KATNIP: variants seen among roughly 807,000 people sequenced by gnomAD.
The protein encoded by KATNIP is katanin interacting protein, also known as katanin-interacting protein.
A neutral mutation model predicts 174.0 loss-of-function variants in KATNIP; 126 were observed. That is an observed-to-expected ratio of 0.72 (90% CI 0.63 to 0.84). The LOEUF (loss-of-function observed/expected upper bound fraction) is 0.84, where lower values mean the gene tolerates loss of function less well. KATNIP is among the 40% of genes least tolerant of loss of function. The pLI is 0.00. For missense variants in KATNIP, 1,958 were observed against 2,109.7 expected (o/e 0.93, Z 1.41); for synonymous variants, 810 against 835.7 (o/e 0.97, Z 0.53).
intron 1 of KATNIP, among the ~76,000 whole-genome samples, chr16:27,562,593 C>T (rs182693251): frequency 1.4e-4 from 22 of 152,298 alleles, no homozygotes; most frequent in African/African-American, 5.1e-4. Context: ...TACCCATGCA[C>T]GTTTTCACAA....
intron 14 of KATNIP, among the ~76,000 whole-genome samples, chr16:27,737,845 A>T (rs1597338723): frequency 1.3e-5 from 2 of 152,166 alleles, no homozygotes; most frequent in Admixed American, 1.3e-4. Flanking sequence ...TCTGAGAGTC[A>T]TTAGTAATGA....
chr16:27,605,796 G>A (rs1357983755), intron 2 of KATNIP, among the ~76,000 whole-genome samples: 1 of 152,074 alleles, frequency 6.6e-6, no homozygotes, highest in Non-Finnish European at 1.5e-5. Context: ...TTCTGTTTTC[G>A]AGGATGGGAA....
At chr16:27,670,717 C>T (rs1337228492) in intron 6 of KATNIP, among the ~76,000 whole-genome samples, 1 of 152,130 alleles carries the variant, frequency 6.6e-6, no homozygotes. Flanking sequence ...TCCACCATTC[C>T]CCGCCACTCC....
intron 5 of KATNIP, among the ~76,000 whole-genome samples, chr16:27,647,245 A>G (rs954889894): frequency 6.6e-6 from 1 of 152,190 alleles, no homozygotes; most frequent in African/African-American, 2.4e-5. Flanking sequence ...GCAGTCCAGA[A>G]AGTTTGGGAA....
At chr16:27,601,560 C>T (rs1445716056) in intron 2 of KATNIP, among the ~76,000 whole-genome samples, 1 of 152,176 alleles carries the variant, frequency 6.6e-6, no homozygotes, top group African/African-American at 2.4e-5. Flanking sequence ...GAGTGATCCT[C>T]CTGCTTTGGC....
At chr16:27,746,298 C>T (rs2081294206) in intron 15 of KATNIP, among the ~76,000 whole-genome samples, 1 of 152,194 alleles carries the variant, frequency 6.6e-6, no homozygotes, top group African/African-American at 2.4e-5. Flanking sequence ...CAACCCAGGC[C>T]ATTCATTTTA....
chr16:27,552,696 T>TG (rs1225977864), intron 1 of KATNIP, among the ~76,000 whole-genome samples: 1 of 144,850 alleles, frequency 6.9e-6, no homozygotes. Flanking sequence ...GTTTTTTTTT[T>TG]TTTTTTTTTT....
chr16:27,699,281 G>A (rs2079017842), intron 9 of KATNIP, among the ~76,000 whole-genome samples: 1 of 151,990 alleles, frequency 6.6e-6, no homozygotes, highest in African/African-American at 2.4e-5. Context: ...GCCGAGATCT[G>A]CCCGCCTGCA....
chr16:27,603,745 T>A (rs1596882438), intron 2 of KATNIP, among the ~76,000 whole-genome samples: 3 of 151,880 alleles, frequency 2.0e-5, no homozygotes, highest in Admixed American at 2.0e-4. Context: ...TCCTTTTTTT[T>A]TTTTTTTTTG....
chr16:27,641,450 C>T (rs570457895), intron 5 of KATNIP, among the ~76,000 whole-genome samples: 3 of 152,212 alleles, frequency 2.0e-5, no homozygotes, highest in South Asian at 2.1e-4. Context: ...ACAGGGGAAT[C>T]GCATGCTCTG....
Position 27,759,249 on chromosome 16 carries a change from A to G in KATNIP, c.3632-2164A>G, listed in dbSNP as rs187836111. ...CTGATGGAGACAAATAAGCAAATCA[A>G]TGTAGACTCGATTGTCAGGAAGCAT... is the stretch of plus-strand genomic sequence containing the variant. On this transcript the variant is annotated intron_variant, in intron 18 of 27. Coordinates refer to ENST00000261588, the MANE Select transcript of KATNIP (RefSeq NM_015202.5). Among the ~76,000 whole-genome samples the G allele has an allele frequency of 3.9e-5, 6 of 152,312 alleles. No individual in the cohort carries two copies. The South Asian group carries it at 1.0e-3, about 26-fold the overall frequency.
intron 13 of KATNIP, among the ~76,000 whole-genome samples, chr16:27,716,271 A>G (rs553621993): frequency 2.0e-5 from 3 of 152,304 alleles, no homozygotes; most frequent in Admixed American, 2.0e-4. Context: ...GAAGGCAGAA[A>G]GTAGATTAGT....
At chr16:27,691,767 G>C (rs1034540140) in intron 8 of KATNIP, among the ~76,000 whole-genome samples, 1 of 152,238 alleles carries the variant, frequency 6.6e-6, no homozygotes, top group Admixed American at 6.5e-5. Flanking sequence ...GACAGCACCT[G>C]ATGATCATGT....
At chr16:27,746,653 G>A (rs567527743) in intron 15 of KATNIP, among the ~76,000 whole-genome samples, 4 of 152,352 alleles carry the variant, frequency 2.6e-5, no homozygotes, top group South Asian at 4.1e-4. Context: ...CCAAGGAGGC[G>A]GGTGACAAGC....
chr16:27,664,552 T>G (rs1450348717), intron 6 of KATNIP, among the ~76,000 whole-genome samples: 1 of 152,162 alleles, frequency 6.6e-6, no homozygotes, highest in Non-Finnish European at 1.5e-5. Flanking sequence ...GCTCAGAGCC[T>G]GCATTTTTAA....
intron 2 of KATNIP, among the ~76,000 whole-genome samples, chr16:27,611,445 T>C (rs759984878): frequency 3.8e-4 from 58 of 152,304 alleles, no homozygotes; most frequent in Admixed American, 3.3e-4. Context: ...AGGGGTAGAA[T>C]CTTGCCTGGC....
chr16:27,736,679 T>C (rs753229690), intron 14 of KATNIP, among the ~76,000 whole-genome samples: 6 of 150,834 alleles, frequency 4.0e-5, no homozygotes, highest in Non-Finnish European at 5.9e-5. Context: ...TGAAGGGGAG[T>C]AGGATTTCTT....
At chr16:27,756,093 G>A (rs546985795) in intron 18 of KATNIP, among the ~76,000 whole-genome samples, 11 of 152,256 alleles carry the variant, frequency 7.2e-5, no homozygotes, top group African/African-American at 2.4e-4. Flanking sequence ...CCCTAAGTGA[G>A]CTCCACATCC....
At chr16:27,775,222 GT>G in intron 24 of KATNIP, 138 bp downstream of exon 24, 1 of 1,100,072 alleles carries the variant, frequency 9.1e-7, no homozygotes, top group Non-Finnish European at 1.3e-6. Flanking sequence ...TGTCAGAAAG[GT>G]TTAGGTCTTT....
Sources: gnomAD v4.1 joint callset for allele counts (sites outside exome capture counted in the v4.1 genomes callset) on GRCh38, gnomAD v4.1.1 for gene constraint, MANE v1.5 for transcripts, NCBI Gene and HGNC (gene_info 2026-07-23, HGNC 2026-07-21) for gene names.